SAMD12: variants seen among roughly 807,000 people sequenced by gnomAD.
The protein encoded by SAMD12 is sterile alpha motif domain containing 12.
SAMD12 carries 9 observed loss-of-function variants against 15.0 expected under a neutral mutation model. The ratio of observed to expected loss-of-function variants is 0.60; its 90% CI spans 0.36 to 1.05. The LOEUF is 1.05. Among genes scored for constraint, SAMD12 ranks in the 50% least tolerant of loss-of-function variants. The probability of loss-of-function intolerance (pLI) is 0.01; values close to 1 mark genes in which losing one functional copy is unlikely to be tolerated. For missense variants in SAMD12, 230 were observed against 234.2 expected, an observed-to-expected ratio of 0.98 and a Z score of 0.12; for synonymous variants, 86 against 90.1, an observed-to-expected ratio of 0.96 and a Z score of 0.25.
intron 4 of SAMD12, among the ~76,000 whole-genome samples, chr8:118,248,293 T>C (rs1476256981): frequency 3.3e-5 from 5 of 152,176 alleles, no homozygotes; most frequent in African/African-American, 7.2e-5. Flanking sequence ...TGTGGTGTGA[T>C]TTCCACAGCA....
chr8:118,401,880 T>C (rs1820887614), intron 3 of SAMD12, among the ~76,000 whole-genome samples: 2 of 152,210 alleles, frequency 1.3e-5, no homozygotes, highest in African/African-American at 4.8e-5. Flanking sequence ...TTTCAGAATG[T>C]CTTCTCATAA....
chr8:118,551,236 C>A (rs1225563240), intron 2 of SAMD12, among the ~76,000 whole-genome samples: 2 of 151,986 alleles, frequency 1.3e-5, no homozygotes, highest in African/African-American at 4.8e-5. Flanking sequence ...TTTTTCAGCA[C>A]CACACCACAC....
intron 3 of SAMD12, among the ~76,000 whole-genome samples, chr8:118,420,091 G>A (rs1821927677): frequency 6.6e-6 from 1 of 152,212 alleles, no homozygotes; most frequent in African/African-American, 2.4e-5. Flanking sequence ...GGAGACGTAT[G>A]ATTTCTTCTG....
intron 1 of SAMD12, among the ~76,000 whole-genome samples, chr8:118,587,142 C>T (rs1447951454): frequency 6.6e-6 from 1 of 152,252 alleles, no homozygotes; most frequent in Non-Finnish European, 1.5e-5. Context: ...CTCCAATCCC[C>T]ACCATTAGTT....
chr8:118,572,806 G>A (rs1167477926), intron 2 of SAMD12, among the ~76,000 whole-genome samples: 1 of 151,888 alleles, frequency 6.6e-6, no homozygotes, highest in Non-Finnish European at 1.5e-5. Flanking sequence ...AATACACCAG[G>A]TGATATGGTT....
At chr8:118,454,604 A>T (rs1487985119) in intron 2 of SAMD12, among the ~76,000 whole-genome samples, 1 of 152,172 alleles carries the variant, frequency 6.6e-6, no homozygotes, top group Non-Finnish European at 1.5e-5. Flanking sequence ...ATCTACATTT[A>T]AAAAAGTTTT....
chr8:118,343,957 T>G (rs1817501215), intron 4 of SAMD12, among the ~76,000 whole-genome samples: 1 of 152,248 alleles, frequency 6.6e-6, no homozygotes, highest in South Asian at 2.1e-4. Flanking sequence ...GCAGGGATGT[T>G]GTAAAGACTG....
chr8:118,546,635 T>C (rs1427900453), intron 2 of SAMD12, among the ~76,000 whole-genome samples: 2 of 152,170 alleles, frequency 1.3e-5, no homozygotes, highest in African/African-American at 4.8e-5. Flanking sequence ...CAAACCACAA[T>C]TACAATGTTG....
At chr8:118,296,929 T>C (rs1814743600) in intron 4 of SAMD12, among the ~76,000 whole-genome samples, 1 of 152,238 alleles carries the variant, frequency 6.6e-6, no homozygotes, top group Non-Finnish European at 1.5e-5. Context: ...ACAAAACAGA[T>C]ACAAGTCCTT....
chr8:118,527,127 T>C (rs576919725), intron 2 of SAMD12, among the ~76,000 whole-genome samples: 6 of 152,328 alleles, frequency 3.9e-5, no homozygotes, highest in African/African-American at 1.4e-4. Context: ...CTCTTCATTC[T>C]CCCTGTCACT....
chr8:118,345,488 T>A (rs909497204), intron 4 of SAMD12, among the ~76,000 whole-genome samples: 1 of 152,110 alleles, frequency 6.6e-6, no homozygotes, highest in African/African-American at 2.4e-5. Flanking sequence ...AGTGGTACAA[T>A]GAGGAGGGCC....
At chr8:118,580,943 G>T in intron 1 of SAMD12, 50 bp from the exon 2 acceptor site, 1 of 1,446,476 alleles carries the variant, frequency 6.9e-7, no homozygotes, top group Non-Finnish European at 9.5e-7. Flanking sequence ...CATAAAGAAG[G>T]TGTCCATGAC....
At chr8:118,550,566 G>A (rs1038610153) in intron 2 of SAMD12, among the ~76,000 whole-genome samples, 4 of 152,190 alleles carry the variant, frequency 2.6e-5, no homozygotes, top group Admixed American at 6.5e-5. Flanking sequence ...ACCAGCCGCT[G>A]CAAAATCATG....
At chr8:118,138,950 T>C in the SAMD12 span, among the ~76,000 whole-genome samples, 3 of 152,212 alleles carry the variant, frequency 2.0e-5, no homozygotes, top group African/African-American at 4.8e-5. Flanking sequence ...TCCCTTCCAC[T>C]TTCCAATCTC....
chr8:118,566,267 C>A (rs73319334), intron 2 of SAMD12, among the ~76,000 whole-genome samples: 1 of 152,200 alleles, frequency 6.6e-6, no homozygotes, highest in Non-Finnish European at 1.5e-5. Context: ...TCTTCCCGCA[C>A]AGCTGCTCCT....
At chr8:118,607,843 C>T (rs1436290904) in intron 1 of SAMD12, among the ~76,000 whole-genome samples, 1 of 152,190 alleles carries the variant, frequency 6.6e-6, no homozygotes, top group East Asian at 1.9e-4. Flanking sequence ...AGTGCTACTA[C>T]ATCTAAATTC....
chr8:118,263,846 C>T (rs1247812882), intron 4 of SAMD12, among the ~76,000 whole-genome samples: 2 of 152,072 alleles, frequency 1.3e-5, no homozygotes. Context: ...ATGGTGCTCT[C>T]AGTCAAGGTG....
intron 2 of SAMD12, among the ~76,000 whole-genome samples, chr8:118,503,391 A>G (rs1379959238): frequency 6.6e-6 from 1 of 152,200 alleles, no homozygotes; most frequent in Non-Finnish European, 1.5e-5. Context: ...ATGGAAAGGC[A>G]TTAGAGTCAT....
rs1421839008 is a variant in SAMD12 at position 118,486,298 on chromosome 8, C to A, written c.193-46337G>T. On this transcript the variant is annotated intron_variant, in intron 2 of 3. Transcript: ENST00000314727. ...GGGTGTAGTGGTGGGCGCCTGTAGTCCCAGCTACTCGGGAGGCTGAGGCAG... is the reference window on the plus strand; with the variant it reads ...GGGTGTAGTGGTGGGCGCCTGTAGTACCAGCTACTCGGGAGGCTGAGGCAG... Among the ~76,000 whole-genome samples, 7 of 148,834 alleles carry A rather than the reference C, an allele frequency of 4.7e-5. No homozygotes were observed. In the East Asian group the frequency reaches 1.4e-3, roughly 29 times the overall value.
Sources: gnomAD v4.1 joint callset for allele counts (sites outside exome capture counted in the v4.1 genomes callset) on GRCh38, gnomAD v4.1.1 for gene constraint, MANE v1.5 for transcripts, NCBI Gene and HGNC (gene_info 2026-07-23, HGNC 2026-07-21) for gene names.